PCDHA8: variants seen among roughly 807,000 people sequenced by gnomAD.
PCDHA8 encodes protocadherin alpha 8.
PCDHA8 carries 53 observed loss-of-function variants against 61.8 expected under a neutral mutation model. That is an observed-to-expected ratio of 0.86 (90% CI 0.69 to 1.08). The LOEUF (loss-of-function observed/expected upper bound fraction) is 1.08, where lower values mean the gene tolerates loss of function less well. Among genes scored for constraint, PCDHA8 ranks in the 50% least tolerant of loss-of-function variants. The probability of loss-of-function intolerance (pLI) is 0.00; values close to 1 mark genes in which losing one functional copy is unlikely to be tolerated. For missense variants in PCDHA8, 1,293 were observed against 1,245.0 expected, an observed-to-expected ratio of 1.04 and a Z score of -0.58; for synonymous variants, 618 against 556.6, an observed-to-expected ratio of 1.11 and a Z score of -1.55.
chr5:140,916,276 C>T (rs1012702427), intron 1 of PCDHA8, among the ~76,000 whole-genome samples: 4 of 152,192 alleles, frequency 2.6e-5, no homozygotes, highest in African/African-American at 7.2e-5. Flanking sequence ...GCTTGTTGCT[C>T]TACTCCACGT....
chr5:140,928,974 A>G (rs772759035), intron 1 of PCDHA8: 2 of 1,613,574 alleles, frequency 1.2e-6, no homozygotes, highest in Non-Finnish European at 1.7e-6. Flanking sequence ...TTTCCTTTTT[A>G]TTTCTGGGGT....
chr5:140,904,416 A>T (rs930452191), intron 1 of PCDHA8, among the ~76,000 whole-genome samples: 1 of 150,980 alleles, frequency 6.6e-6, no homozygotes, highest in Non-Finnish European at 1.5e-5. Context: ...TATATAATAC[A>T]TATATTTTAT....
intron 1 of PCDHA8, chr5:140,869,763 A>G: frequency 1.9e-6 from 3 of 1,613,302 alleles, no homozygotes; most frequent in Non-Finnish European, 2.5e-6. Flanking sequence ...GGGGAAAACC[A>G]GAGCTTACTG....
chr5:140,875,378 T>C (rs758524366), intron 1 of PCDHA8: 85 of 1,458,484 alleles, frequency 5.8e-5, no homozygotes, highest in Non-Finnish European at 7.4e-5. Context: ...TTACTAAATA[T>C]GTACTTACAG....
At chr5:140,979,318 T>C (rs2096844474) in intron 2 of PCDHA8, among the ~76,000 whole-genome samples, 1 of 152,196 alleles carries the variant, frequency 6.6e-6, no homozygotes, top group Non-Finnish European at 1.5e-5. Context: ...CTACCTATGC[T>C]TTCTTTTCCT....
intron 1 of PCDHA8, chr5:140,967,530 C>T: frequency 6.2e-7 from 1 of 1,613,178 alleles, no homozygotes; most frequent in Non-Finnish European, 8.5e-7. Flanking sequence ...GACAACTCTC[C>T]TGCCTTTGAC....
intron 1 of PCDHA8, among the ~76,000 whole-genome samples, chr5:140,924,575 T>C (rs1255232429): frequency 6.6e-6 from 1 of 152,078 alleles, no homozygotes; most frequent in East Asian, 1.9e-4. Flanking sequence ...TTTTTAAATG[T>C]TTTCAAATAT....
rs2153463747 is a variant in PCDHA8 at position 140,899,363 on chromosome 5, C to G, written c.2394+55648C>G. On this transcript the variant is annotated intron_variant, in intron 1 of 3. Coordinates refer to ENST00000531613, the MANE Select transcript of PCDHA8 (RefSeq NM_018911.3). ...AGCTCTTATTATTTTGAGATATGTC[C>G]CATCAATACCTAATTTATTGAGAGT... Among the ~76,000 whole-genome samples, 3 of 152,122 alleles carry G rather than the reference C, an allele frequency of 2.0e-5. No individual in the cohort carries two copies. The South Asian group carries it at 6.2e-4, about 32-fold the overall frequency.
intron 1 of PCDHA8, chr5:140,855,859 C>T: frequency 1.4e-6 from 1 of 728,300 alleles, no homozygotes; most frequent in Non-Finnish European, 2.2e-6. Flanking sequence ...CCGGATGTCG[C>T]TGTCGTCCAC....
intron 1 of PCDHA8, chr5:140,966,905 T>C (rs1554228876): frequency 1.9e-6 from 3 of 1,600,790 alleles, no homozygotes; most frequent in Non-Finnish European, 2.5e-6. Flanking sequence ...GCTGCGATAC[T>C]CTGTGCCAGA....
At chr5:140,964,199 A>C (rs1183847716) in intron 1 of PCDHA8, among the ~76,000 whole-genome samples, 1 of 152,240 alleles carries the variant, frequency 6.6e-6, no homozygotes, top group Admixed American at 6.5e-5. Context: ...AGAGTATACC[A>C]TCTCTTTAGT....
Position 140,843,171 on chromosome 5 carries a change from G to C in PCDHA8, c.1850G>C (p.Ser617Thr). 6.3e-7 allele frequency: 1 copy of C among 1,596,072 alleles called. No homozygotes were observed. Among genetic ancestry groups the C allele is most frequent in the Non-Finnish European group, 8.6e-7 (1 of 1,165,598 alleles). Residue 617 changes from serine to threonine, a missense_variant, in exon 1 of 4, where the codon AGC (serine) becomes ACC (threonine). Coordinates refer to ENST00000531613, the MANE Select transcript of PCDHA8 (RefSeq NM_018911.3). ...TATGAGCTGCAGCCAGCTGCAAGCA[G>C]CCCTCGCATCCCGTTCCGCGTGGGG... ...LSYELQPAASSPRIPFRVGLY... is the reference protein window; with the variant it reads ...LSYELQPAASTPRIPFRVGLY...
rs976643195 is a variant in PCDHA8 at position 141,010,391 on chromosome 5, C to A, written c.*454C>A. On this transcript the variant is annotated 3_prime_UTR_variant, in exon 4 of 4. Transcript: ENST00000531613. ...TGCGAGTGCCAGATATTGGCTGAGACGAGCCAGCTTAGACTAATTGGTACA... is the reference window on the plus strand; with the variant it reads ...TGCGAGTGCCAGATATTGGCTGAGAAGAGCCAGCTTAGACTAATTGGTACA... The A allele has an allele frequency of 2.2e-6, 3 of 1,386,760 alleles. No homozygotes were observed. Among genetic ancestry groups the A allele is most frequent in the Non-Finnish European group, 2.9e-6 (3 of 1,041,298 alleles). The allele number at this position is 1,386,760 out of a possible 1,614,324, so 85.9% of individuals were successfully genotyped here.
At chr5:140,995,214 C>T (rs1193715389) in intron 3 of PCDHA8, among the ~76,000 whole-genome samples, 2 of 152,136 alleles carry the variant, frequency 1.3e-5, no homozygotes, top group Admixed American at 6.6e-5. Flanking sequence ...AGGCACAATA[C>T]TCTTGTGCTT....
chr5:140,876,378 T>A, intron 1 of PCDHA8: 1 of 1,613,948 alleles, frequency 6.2e-7, no homozygotes, highest in Non-Finnish European at 8.5e-7. Context: ...CAGGTGAAAT[T>A]AGAATTTATG....
Position 140,847,480 on chromosome 5 carries a change from A to T in PCDHA8, c.2394+3765A>T, listed in dbSNP as rs956174108. Reference sequence around the variant, plus strand: ...ATTAATCGACTTGGACGTTGGAATAAGATAGTAAAACTCACAACAAAACTT... The same window carrying T: ...ATTAATCGACTTGGACGTTGGAATATGATAGTAAAACTCACAACAAAACTT... On this transcript the variant is annotated intron_variant, in intron 1 of 3. Transcript: ENST00000531613. 2 of 149,954 alleles carry T rather than the reference A, an allele frequency of 1.3e-5. 1 individual carries two copies. The highest frequency in any genetic ancestry group is 3.0e-5 in the Non-Finnish European group (2 of 67,004). The allele number at this position is 149,954 out of a possible 1,614,324, so 9.3% of individuals were successfully genotyped here.
intron 1 of PCDHA8, among the ~76,000 whole-genome samples, chr5:140,951,214 T>C (rs994639576): frequency 1.3e-5 from 2 of 152,218 alleles, no homozygotes; most frequent in African/African-American, 2.4e-5. Context: ...ATCTCAGGTT[T>C]GGATTCTTGA....
chr5:140,866,649 T>G (rs1554160460), intron 1 of PCDHA8: 4 of 152,162 alleles, frequency 2.6e-5, no homozygotes, highest in African/African-American at 9.6e-5. Context: ...AAAATTTATT[T>G]ATGTGTTTTC....
intron 1 of PCDHA8, chr5:140,863,197 C>A: frequency 1.1e-6 from 1 of 888,970 alleles, no homozygotes; most frequent in Non-Finnish European, 1.8e-6. Flanking sequence ...GGTGGCGTCG[C>A]TGGCGGAGAG....
Sources: allele counts gnomAD v4.1 joint callset (sites outside exome capture counted in the v4.1 genomes callset), GRCh38; gene constraint gnomAD v4.1.1; transcripts MANE v1.5; gene names NCBI Gene and HGNC (gene_info 2026-07-23, HGNC 2026-07-21).